CHD9NB: variants seen among roughly 807,000 people sequenced by gnomAD.
CHD9NB encodes the protein CHD9 neighbor, also known as CHD9 neighbor protein.
chr16:53,042,089 CTCAA>C, the CHD9NB span, among the ~76,000 whole-genome samples: 1 of 152,174 alleles, frequency 6.6e-6, no homozygotes, highest in Non-Finnish European at 1.5e-5. Context: ...TCAAAAGAAT[CTCAA>C]TCAGTTTCTC....
the CHD9NB span, chr16:53,035,894 G>C: frequency 6.6e-6 from 1 of 151,386 alleles, no homozygotes; most frequent in African/African-American, 2.4e-5. Flanking sequence ...GTGCCTAGGA[G>C]TTTGGAGCTG....
the CHD9NB span, among the ~76,000 whole-genome samples, chr16:53,037,740 C>T: frequency 1.3e-5 from 2 of 152,194 alleles, no homozygotes; most frequent in Admixed American, 6.5e-5. Context: ...TACAGCAACC[C>T]TGGAGGTCCA....
At chr16:53,051,057 T>A in the CHD9NB span, among the ~76,000 whole-genome samples, 5 of 152,056 alleles carry the variant, frequency 3.3e-5, no homozygotes, top group Non-Finnish European at 7.4e-5. Context: ...CCAGCTAATT[T>A]TTTGTATTTT....
At chr16:53,051,840 T>C in the CHD9NB span, among the ~76,000 whole-genome samples, 3 of 146,304 alleles carry the variant, frequency 2.1e-5, no homozygotes, top group African/African-American at 5.2e-5. Context: ...CTGTTCCATA[T>C]ATAAAGCACA....
the CHD9NB span, among the ~76,000 whole-genome samples, chr16:53,049,478 T>G: frequency 2.6e-5 from 4 of 152,094 alleles, no homozygotes; most frequent in Admixed American, 6.6e-5. Context: ...ACCTGGAGGA[T>G]CTTACTCCTG....
chr16:53,051,862 A>G, the CHD9NB span, among the ~76,000 whole-genome samples: 1 of 148,364 alleles, frequency 6.7e-6, no homozygotes, highest in African/African-American at 2.5e-5. Context: ...CGTCCAGCAC[A>G]TAGTAGGTGC....
chr16:53,050,117 T>C, the CHD9NB span, among the ~76,000 whole-genome samples: 1 of 151,972 alleles, frequency 6.6e-6, no homozygotes, highest in African/African-American at 2.4e-5. Context: ...GGCAGGAGAA[T>C]CGCTTGAACT....
At chr16:53,048,232 C>T in the CHD9NB span, among the ~76,000 whole-genome samples, 1 of 152,140 alleles carries the variant, frequency 6.6e-6, no homozygotes, top group South Asian at 2.1e-4. Flanking sequence ...GGTGAAACCC[C>T]ATCTCTACAA....
chr16:53,037,763 C>A, the CHD9NB span, among the ~76,000 whole-genome samples: 1 of 152,212 alleles, frequency 6.6e-6, no homozygotes, highest in African/African-American at 2.4e-5. Flanking sequence ...AGGGTTCCCA[C>A]AATTCCCAAA....
At chr16:53,045,457 G>A in the CHD9NB span, among the ~76,000 whole-genome samples, 9 of 152,172 alleles carry the variant, frequency 5.9e-5, no homozygotes, top group Admixed American at 2.0e-4. Context: ...ACTGGAGTTT[G>A]GAACTCTTGT....
chr16:53,039,212 G>A, the CHD9NB span, among the ~76,000 whole-genome samples: 4 of 152,182 alleles, frequency 2.6e-5, no homozygotes, highest in African/African-American at 9.7e-5. Flanking sequence ...AACAAAAAGA[G>A]TGAGTTTATT....
the CHD9NB span, chr16:53,042,955 T>C: frequency 6.6e-6 from 1 of 152,244 alleles, no homozygotes; most frequent in Non-Finnish European, 1.5e-5. Flanking sequence ...TGGAAAGTCC[T>C]CAGCATGGCG....
the CHD9NB span, among the ~76,000 whole-genome samples, chr16:53,048,178 C>T: frequency 6.6e-6 from 1 of 151,396 alleles, no homozygotes; most frequent in African/African-American, 2.4e-5. Flanking sequence ...CTGAGGCAGG[C>T]AAGTCACTTG....
At chr16:53,047,661 C>T in the CHD9NB span, among the ~76,000 whole-genome samples, 1 of 152,300 alleles carries the variant, frequency 6.6e-6, no homozygotes, top group East Asian at 1.9e-4. Flanking sequence ...AAGTCTCTAT[C>T]TCCAAATATA....
At chr16:53,049,285 G>C in the CHD9NB span, among the ~76,000 whole-genome samples, 1 of 151,796 alleles carries the variant, frequency 6.6e-6, no homozygotes, top group South Asian at 2.1e-4. Flanking sequence ...CCTCCTCAGT[G>C]GCTAGAACTA....
chr16:53,048,009 AGGAAGGGAGGGAGGGAAGGGAAGGAAAG>A, the CHD9NB span, among the ~76,000 whole-genome samples: 12 of 120,468 alleles, frequency 1.0e-4, no homozygotes, highest in Non-Finnish European at 1.3e-4. Context: ...AAAGAAGGGA[AGGAAGGGAGGGAGGGAAGGGAAGGAAAG>A]GGAAGGGAGG....
the CHD9NB span, among the ~76,000 whole-genome samples, chr16:53,051,080 G>C: frequency 5.9e-5 from 9 of 152,056 alleles, no homozygotes; most frequent in South Asian, 2.1e-4. Flanking sequence ...GTAGAGACAG[G>C]GTTTCACCGT....
chr16:53,038,738 T>C, the CHD9NB span, among the ~76,000 whole-genome samples: 4 of 152,280 alleles, frequency 2.6e-5, no homozygotes, highest in South Asian at 8.3e-4. Context: ...TTGGGCTTAA[T>C]TCAGAATACA....
the CHD9NB span, chr16:53,043,234 A>G: frequency 6.6e-6 from 1 of 152,248 alleles, no homozygotes; most frequent in African/African-American, 2.4e-5. Context: ...CTGGATGCAG[A>G]TAGCTCAGAT....
Sources: allele counts gnomAD v4.1 joint callset (sites outside exome capture counted in the v4.1 genomes callset), GRCh38; gene constraint gnomAD v4.1.1; transcripts MANE v1.5; gene names NCBI Gene and HGNC (gene_info 2026-07-23, HGNC 2026-07-21).